Variants in XKR6 observed in about 807,000 individuals in gnomAD.
XKR6 encodes the protein XK related 6, also known as XK-related protein 6.
Under a neutral mutation model 56.7 loss-of-function variants are expected in XKR6, and 22 were observed. The observed-to-expected ratio is 0.39, with a 90% CI of 0.28 to 0.55. XKR6 has a LOEUF of 0.55. Among genes scored for constraint, XKR6 ranks in the 20% least tolerant of loss-of-function variants. The pLI, the probability that XKR6 is intolerant of heterozygous loss-of-function variation, is 0.66. For synonymous variants in XKR6, 524 were observed against 387.8 expected (o/e 1.35, Z -4.13); for missense variants, 852 against 889.0 (o/e 0.96, Z 0.53).
intron 1 of XKR6, among the ~76,000 whole-genome samples, chr8:10,994,684 T>C (rs981809497): frequency 2.0e-5 from 3 of 152,148 alleles, no homozygotes; most frequent in African/African-American, 7.2e-5. Context: ...TGCTTCTTAC[T>C]CCATTTAATC....
At chr8:11,116,998 C>T (rs1031544311) in intron 1 of XKR6, among the ~76,000 whole-genome samples, 10 of 152,174 alleles carry the variant, frequency 6.6e-5, no homozygotes, top group African/African-American at 2.4e-4. Context: ...CTCCATCCAC[C>T]ACTTCAGTAA....
chr8:10,977,123 C>A (rs564628108), intron 1 of XKR6, among the ~76,000 whole-genome samples: 1 of 152,196 alleles, frequency 6.6e-6, no homozygotes, highest in South Asian at 2.1e-4. Flanking sequence ...CAAGAGACCT[C>A]GTCTCACAGG....
intron 1 of XKR6, among the ~76,000 whole-genome samples, chr8:11,056,301 A>G (rs187731303): frequency 5.1e-4 from 77 of 152,184 alleles, no homozygotes; most frequent in Non-Finnish European, 1.8e-4. Flanking sequence ...ACATTGCTGT[A>G]ATTTACATTT....
chr8:11,050,895 C>T (rs917233747), intron 1 of XKR6, among the ~76,000 whole-genome samples: 3 of 152,146 alleles, frequency 2.0e-5, no homozygotes, highest in African/African-American at 7.2e-5. Context: ...CTGGTGGTCA[C>T]CCTCATCCTC....
intron 1 of XKR6, among the ~76,000 whole-genome samples, chr8:11,016,310 G>T (rs1203839999): frequency 6.6e-6 from 1 of 152,132 alleles, no homozygotes; most frequent in Non-Finnish European, 1.5e-5. Context: ...GCTCCGCGCC[G>T]CGAGGCAGCG....
chr8:10,993,366 A>G (rs1385234770), intron 1 of XKR6, among the ~76,000 whole-genome samples: 2 of 152,218 alleles, frequency 1.3e-5, no homozygotes, highest in Non-Finnish European at 2.9e-5. Flanking sequence ...GACATCATAG[A>G]AGGAAGAAAG....
intron 1 of XKR6, among the ~76,000 whole-genome samples, chr8:11,171,571 G>C (rs183195158): frequency 6.6e-6 from 1 of 152,276 alleles, no homozygotes; most frequent in Non-Finnish European, 1.5e-5. Context: ...GTTGTTAAAA[G>C]GAGCCTAGCC....
At chr8:11,176,948 G>C (rs1802689453) in intron 1 of XKR6, among the ~76,000 whole-genome samples, 1 of 152,204 alleles carries the variant, frequency 6.6e-6, no homozygotes, top group African/African-American at 2.4e-5. Context: ...GCTAAGAGAA[G>C]GTGGGGAGGA....
intron 1 of XKR6, among the ~76,000 whole-genome samples, chr8:11,022,252 T>C (rs4076424): frequency 0.31 from 46,435 of 151,170 alleles, 10,335 homozygotes; most frequent in African/African-American, 0.64. Context: ...TGCTGCAGAG[T>C]GCTGTTGCCT....
At chr8:10,917,781 C>T (rs541979815) in intron 2 of XKR6, among the ~76,000 whole-genome samples, 1 of 152,208 alleles carries the variant, frequency 6.6e-6, no homozygotes, top group Non-Finnish European at 1.5e-5. Flanking sequence ...GAGTTTTCAT[C>T]GTGAACCTCT....
At chr8:11,196,259 A>G (rs2117152984) in intron 1 of XKR6, among the ~76,000 whole-genome samples, 1 of 152,346 alleles carries the variant, frequency 6.6e-6, no homozygotes, top group East Asian at 1.9e-4. Flanking sequence ...TAATAGAATC[A>G]CTTCAGAATT....
At chr8:10,961,073 G>C (rs906788040) in intron 1 of XKR6, among the ~76,000 whole-genome samples, 9 of 152,134 alleles carry the variant, frequency 5.9e-5, no homozygotes, top group African/African-American at 2.2e-4. Context: ...CAAAAGGTGA[G>C]TATCGGAGGC....
intron 2 of XKR6, among the ~76,000 whole-genome samples, chr8:10,916,830 C>G (rs891879472): frequency 1.6e-4 from 25 of 152,216 alleles, no homozygotes; most frequent in African/African-American, 6.0e-4. Flanking sequence ...CGCAGTCAGT[C>G]TGAGTTCTCG....
At chr8:11,110,735 A>G (rs17152881) in intron 1 of XKR6, among the ~76,000 whole-genome samples, 10,481 of 152,276 alleles carry the variant, frequency 0.069, 460 homozygotes, top group African/African-American at 0.13. Flanking sequence ...CCTATCAAAT[A>G]CAAATTCTCA....
At chr8:11,013,243 C>T (rs1051534190) in intron 1 of XKR6, among the ~76,000 whole-genome samples, 14 of 152,302 alleles carry the variant, frequency 9.2e-5, no homozygotes, top group South Asian at 4.1e-4. Context: ...GAAGGACTTG[C>T]CCATGGTCTC....
intron 2 of XKR6, among the ~76,000 whole-genome samples, chr8:10,913,732 AC>A (rs1465787008): frequency 6.6e-6 from 1 of 152,178 alleles, no homozygotes; most frequent in African/African-American, 2.4e-5. Context: ...TAGGGACTTC[AC>A]GTGGTGTTCA....
chr8:10,967,811 G>T (rs181050541), intron 1 of XKR6, among the ~76,000 whole-genome samples: 1 of 152,324 alleles, frequency 6.6e-6, no homozygotes, highest in East Asian at 1.9e-4. Flanking sequence ...GGCGGGTGGG[G>T]TGAGGCCTTA....
At chr8:10,994,905 G>T (rs1355299104) in intron 1 of XKR6, among the ~76,000 whole-genome samples, 1 of 152,170 alleles carries the variant, frequency 6.6e-6, no homozygotes, top group African/African-American at 2.4e-5. Context: ...ATGTGGATGG[G>T]GGAAGAGAAG....
intron 1 of XKR6, among the ~76,000 whole-genome samples, chr8:11,002,643 C>T (rs749942461): frequency 6.6e-6 from 1 of 152,230 alleles, no homozygotes; most frequent in African/African-American, 2.4e-5. Context: ...ACAGACGTGA[C>T]AAGTCATCAT....
Sources: gnomAD v4.1 joint callset for allele counts (sites outside exome capture counted in the v4.1 genomes callset) on GRCh38, gnomAD v4.1.1 for gene constraint, MANE v1.5 for transcripts, NCBI Gene and HGNC (gene_info 2026-07-23, HGNC 2026-07-21) for gene names.